Variants in ACBD6 observed in about 807,000 individuals in gnomAD.
ACBD6 encodes the protein acyl-CoA binding domain containing 6.
In ACBD6, 28 loss-of-function variants were observed where a neutral mutation model predicts 37.2. That is an observed-to-expected ratio of 0.75 (90% CI 0.56 to 1.03). ACBD6 has a LOEUF of 1.03. Among genes scored for constraint, ACBD6 ranks in the 50% least tolerant of loss-of-function variants. ACBD6 has a pLI of 0.00. For missense variants in ACBD6, 340 were observed against 337.4 expected (o/e 1.01, Z -0.06); for synonymous variants, 113 against 126.8 (o/e 0.89, Z 0.73).
intron 7 of ACBD6, among the ~76,000 whole-genome samples, chr1:180,296,422 A>G (rs1649920405): frequency 7.6e-6 from 1 of 131,468 alleles, no homozygotes. Context: ...ATACTACACA[A>G]CAGATTTTCT....
At chr1:180,322,741 C>CTTT (rs550001607) in intron 6 of ACBD6, among the ~76,000 whole-genome samples, 2,882 of 141,072 alleles carry the variant, frequency 0.02, 94 homozygotes, top group African/African-American at 0.069. Context: ...TGGGTCTTCT[C>CTTT]TTTTTTTTTT....
chr1:180,312,403 C>A (rs959040155), intron 7 of ACBD6, among the ~76,000 whole-genome samples: 1 of 151,994 alleles, frequency 6.6e-6, no homozygotes, highest in African/African-American at 2.4e-5. Flanking sequence ...CTTAAAAAAA[C>A]TAATGCATTC....
intron 6 of ACBD6, among the ~76,000 whole-genome samples, chr1:180,389,479 T>C (rs1364770662): frequency 6.6e-6 from 1 of 152,216 alleles, no homozygotes; most frequent in Non-Finnish European, 1.5e-5. Flanking sequence ...CATGTGTCTT[T>C]ATAGCAGCAT....
At chr1:180,376,981 A>T (rs1298743877) in intron 6 of ACBD6, among the ~76,000 whole-genome samples, 7 of 152,242 alleles carry the variant, frequency 4.6e-5, no homozygotes, top group Non-Finnish European at 7.3e-5. Context: ...TTTGGAAAAC[A>T]GTATGTTGAG....
At chr1:180,399,069 G>A (rs1293153422) in intron 5 of ACBD6, among the ~76,000 whole-genome samples, 1 of 151,950 alleles carries the variant, frequency 6.6e-6, no homozygotes. Flanking sequence ...CCTACAAATT[G>A]TCTTCTTCTT....
At chr1:180,368,471 T>C (rs2101911958) in intron 6 of ACBD6, among the ~76,000 whole-genome samples, 1 of 152,288 alleles carries the variant, frequency 6.6e-6, no homozygotes, top group South Asian at 2.1e-4. Context: ...TCCAGGATGG[T>C]ATTGCCTAGG....
chr1:180,276,048 G>A (rs1358732966), intron 9 of ACBD6: 1 of 151,588 alleles, frequency 6.6e-6, no homozygotes, highest in Non-Finnish European at 1.5e-5. Context: ...TGTGCAAACT[G>A]GAATTTAGCC....
At chr1:180,335,156 G>A (rs1473293864) in intron 6 of ACBD6, among the ~76,000 whole-genome samples, 2 of 152,164 alleles carry the variant, frequency 1.3e-5, no homozygotes, top group African/African-American at 4.8e-5. Flanking sequence ...AGGAAATACA[G>A]AGAATGCCAC....
intron 6 of ACBD6, among the ~76,000 whole-genome samples, chr1:180,336,975 A>G (rs1456716670): frequency 1.3e-5 from 2 of 152,234 alleles, no homozygotes; most frequent in Non-Finnish European, 1.5e-5. Flanking sequence ...GAATCTCTGA[A>G]GAGACCAATA....
At chr1:180,378,946 C>G (rs1021850413) in intron 6 of ACBD6, among the ~76,000 whole-genome samples, 1 of 152,106 alleles carries the variant, frequency 6.6e-6, no homozygotes, top group Non-Finnish European at 1.5e-5. Flanking sequence ...AGAACACACC[C>G]ACTTGACTGA....
chr1:180,366,420 C>A (rs1653058797), intron 6 of ACBD6, among the ~76,000 whole-genome samples: 1 of 152,082 alleles, frequency 6.6e-6, no homozygotes, highest in Non-Finnish European at 1.5e-5. Context: ...TACAATAGTG[C>A]AAAATGTCAA....
chr1:180,385,941 G>A lies in ACBD6; in HGVS notation c.663+11575C>T, dbSNP rs911633655. Reference sequence around the variant, plus strand: ...TCCCAGCACTTTGGGAGGCCGAGGCGGGTGGACCACTTGAGGTCAGAAGTT... The same window carrying A: ...TCCCAGCACTTTGGGAGGCCGAGGCAGGTGGACCACTTGAGGTCAGAAGTT... On this transcript the variant is annotated intron_variant, in intron 6 of 7. Coordinates refer to ENST00000367595, the MANE Select transcript of ACBD6 (RefSeq NM_032360.4). 2.0e-5 allele frequency among the ~76,000 whole-genome samples: 3 copies of A among 152,120 alleles called. No homozygotes were observed. In the East Asian group the frequency reaches 5.8e-4, roughly 29 times the overall value.
intron 4 of ACBD6, among the ~76,000 whole-genome samples, chr1:180,415,033 C>T (rs3923222): frequency 0.49 from 73,677 of 150,728 alleles, 20,717 homozygotes; most frequent in South Asian, 0.66. Flanking sequence ...GCCGAGATTG[C>T]GCCACTGCAC....
At chr1:180,415,602 T>A (rs1203914737) in intron 4 of ACBD6, among the ~76,000 whole-genome samples, 2 of 152,146 alleles carry the variant, frequency 1.3e-5, no homozygotes, top group African/African-American at 4.8e-5. Context: ...TACTCGCCAA[T>A]TGTTTCTGAA....
Position 180,457,838 on chromosome 1 carries a change from C to G in ACBD6, c.385-27576G>C, listed in dbSNP as rs10914000. Among the ~76,000 whole-genome samples the G allele has an allele frequency of 7.1e-3, 1,067 of 150,086 alleles. 12 individuals are homozygous for G. The highest frequency in any genetic ancestry group is 0.025 in the African/African-American group (1,021 of 40,684). On this transcript the variant is annotated intron_variant, in intron 3 of 7. Transcript: ENST00000367595. ...ACGGAGTTTCGCTCTTGTCGCCCAG[C>G]CTGGAGTACAATGGCACGATCTCAG... is the stretch of plus-strand genomic sequence containing the variant.
intron 6 of ACBD6, among the ~76,000 whole-genome samples, chr1:180,329,651 T>C (rs1194706753): frequency 6.6e-6 from 1 of 152,216 alleles, no homozygotes; most frequent in Non-Finnish European, 1.5e-5. Context: ...ACTATATTCT[T>C]AATCAGTGAT....
chr1:180,424,089 C>T (rs1263107084), intron 4 of ACBD6, among the ~76,000 whole-genome samples: 1 of 152,092 alleles, frequency 6.6e-6, no homozygotes, highest in East Asian at 1.9e-4. Flanking sequence ...AACTATCAGA[C>T]TCAATTTCAT....
downstream of ACBD6, chr1:180,287,161 C>CT (rs1015100447): frequency 2.0e-5 from 3 of 149,864 alleles, no homozygotes; most frequent in South Asian, 2.2e-4. Flanking sequence ...AATCTCAGCA[C>CT]TTTAAGAGGC....
chr1:180,271,649 C>A, exon 14 of ACBD6: 5 of 1,426,768 alleles, frequency 3.5e-6, no homozygotes, highest in Non-Finnish European at 4.9e-6. Flanking sequence ...GACCCCAGGG[C>A]TTTTGCCAGA....
Sources: allele counts gnomAD v4.1 joint callset (sites outside exome capture counted in the v4.1 genomes callset), GRCh38; gene constraint gnomAD v4.1.1; transcripts MANE v1.5; gene names NCBI Gene and HGNC (gene_info 2026-07-23, HGNC 2026-07-21).